Variants in CHST11 observed in about 807,000 individuals in gnomAD.
The protein encoded by CHST11 is C4S-1.
Under a neutral mutation model 30.4 loss-of-function variants are expected in CHST11, and 9 were observed. The observed-to-expected ratio is 0.30, with a 90% CI of 0.18 to 0.52. The LOEUF is 0.52. Among genes scored for constraint, CHST11 ranks in the 20% least tolerant of loss-of-function variants. The pLI, the probability that CHST11 is intolerant of heterozygous loss-of-function variation, is 0.97. For synonymous variants in CHST11, 152 were observed against 187.8 expected (o/e 0.81, Z 1.56); for missense variants, 348 against 460.6 (o/e 0.76, Z 2.24).
chr12:104,462,426 ATTAAAG>A (rs1025304867), intron 1 of CHST11, among the ~76,000 whole-genome samples: 1 of 152,150 alleles, frequency 6.6e-6, no homozygotes, highest in African/African-American at 2.4e-5. Context: ...ACAACTAGTT[ATTAAAG>A]TTAAAGACAA....
At chr12:104,489,252 G>T (rs1415124292) in intron 1 of CHST11, among the ~76,000 whole-genome samples, 4 of 152,104 alleles carry the variant, frequency 2.6e-5, no homozygotes, top group South Asian at 4.1e-4. Flanking sequence ...GGCCATGCTG[G>T]TCTCGGACTC....
At chr12:104,538,962 T>C (rs1303787012) in intron 1 of CHST11, among the ~76,000 whole-genome samples, 1 of 152,206 alleles carries the variant, frequency 6.6e-6, no homozygotes. Context: ...GACAATCCTA[T>C]AAAGCAGTCA....
intron 2 of CHST11, among the ~76,000 whole-genome samples, chr12:104,725,680 T>C (rs2040211785): frequency 6.6e-6 from 1 of 152,072 alleles, no homozygotes; most frequent in Non-Finnish European, 1.5e-5. Context: ...CAGGGGCACA[T>C]AGGTCTTGTG....
intron 1 of CHST11, among the ~76,000 whole-genome samples, chr12:104,566,884 A>G (rs563426831): frequency 6.6e-6 from 1 of 152,140 alleles, no homozygotes; most frequent in East Asian, 1.9e-4. Flanking sequence ...TGAGCCTGAG[A>G]AAATATATAC....
At chr12:104,530,686 T>A (rs2038174651) in intron 1 of CHST11, among the ~76,000 whole-genome samples, 1 of 152,256 alleles carries the variant, frequency 6.6e-6, no homozygotes, top group Non-Finnish European at 1.5e-5. Flanking sequence ...TTTTGTGAAC[T>A]TCCACTGAAG....
chr12:104,505,536 A>G (rs1169464516), intron 1 of CHST11, among the ~76,000 whole-genome samples: 2 of 152,232 alleles, frequency 1.3e-5, no homozygotes, highest in East Asian at 1.9e-4. Flanking sequence ...CACTTTGCAT[A>G]GCAAGTTATT....
At chr12:104,750,246 G>T (rs2136144886) in intron 2 of CHST11, among the ~76,000 whole-genome samples, 1 of 151,980 alleles carries the variant, frequency 6.6e-6, no homozygotes, top group African/African-American at 2.4e-5. Flanking sequence ...GAGTCCTCAT[G>T]CAGCACAGAA....
chr12:104,513,766 G>C (rs1224973170), intron 1 of CHST11, among the ~76,000 whole-genome samples: 1 of 152,180 alleles, frequency 6.6e-6, no homozygotes, highest in Non-Finnish European at 1.5e-5. Flanking sequence ...GCTGTTCTCT[G>C]AATTGATGAT....
chr12:104,673,091 C>T (rs2039710948), intron 2 of CHST11, among the ~76,000 whole-genome samples: 1 of 152,234 alleles, frequency 6.6e-6, no homozygotes, highest in East Asian at 1.9e-4. Flanking sequence ...GGGGCCCCAT[C>T]TCTCTGCTCC....
chr12:104,579,657 C>T (rs910377280), intron 1 of CHST11, among the ~76,000 whole-genome samples: 4 of 152,178 alleles, frequency 2.6e-5, no homozygotes, highest in African/African-American at 9.7e-5. Context: ...TGTGGATGCG[C>T]CGCCCCTCTC....
chr12:104,606,327 T>G, intron 2 of CHST11, among the ~76,000 whole-genome samples: 1 of 149,912 alleles, frequency 6.7e-6, no homozygotes, highest in Non-Finnish European at 1.5e-5. Flanking sequence ...GGAAGCAGGA[T>G]GAGGAGGAGG....
intron 1 of CHST11, among the ~76,000 whole-genome samples, chr12:104,548,401 G>T (rs1310032700): frequency 6.6e-6 from 1 of 152,182 alleles, no homozygotes; most frequent in African/African-American, 2.4e-5. Context: ...AGTGTGATGT[G>T]AGTGAGCTCA....
At chr12:104,478,944 G>A (rs2037591048) in intron 1 of CHST11, among the ~76,000 whole-genome samples, 1 of 152,098 alleles carries the variant, frequency 6.6e-6, no homozygotes, top group Non-Finnish European at 1.5e-5. Context: ...TTATTGAAAA[G>A]GAGGTTTTTA....
intron 2 of CHST11, among the ~76,000 whole-genome samples, chr12:104,618,903 G>T (rs1283534395): frequency 6.6e-6 from 1 of 152,202 alleles, no homozygotes; most frequent in Non-Finnish European, 1.5e-5. Flanking sequence ...TCGACTCATT[G>T]ATTAAATGAG....
chr12:104,575,475 A>G (rs1389035721), intron 1 of CHST11, among the ~76,000 whole-genome samples: 2 of 152,142 alleles, frequency 1.3e-5, no homozygotes, highest in Non-Finnish European at 1.5e-5. Flanking sequence ...TGCAGGGATG[A>G]GGGTGCCAGG....
chr12:104,757,857 T>C lies in CHST11; in HGVS notation c.*54T>C. The C allele has an allele frequency of 6.7e-7, 1 of 1,498,932 alleles. No homozygotes were observed. Among genetic ancestry groups the C allele is most frequent in the East Asian group, 2.3e-5 (1 of 44,124 alleles). The allele number at this position is 1,498,932 out of a possible 1,614,324, so 92.9% of individuals were successfully genotyped here. Reference sequence around the variant, plus strand: ...CTTTTTAATTTAAGATTTTTATTTGTCAAAAGAATTATATGGATATTGGGT... The same window carrying C: ...CTTTTTAATTTAAGATTTTTATTTGCCAAAAGAATTATATGGATATTGGGT... On this transcript the variant is annotated 3_prime_UTR_variant, in exon 3 of 3. Coordinates refer to ENST00000303694, the MANE Select transcript of CHST11 (RefSeq NM_018413.6). This position sits in a 1 kb window ranked among gnomAD's most constrained non-coding sequence, Gnocchi z 6.5.
At chr12:104,610,331 C>T (rs1012518889) in intron 2 of CHST11, among the ~76,000 whole-genome samples, 1 of 152,114 alleles carries the variant, frequency 6.6e-6, no homozygotes, top group African/African-American at 2.4e-5. Context: ...GGCAGTTGTT[C>T]TGCTTCAGAA....
At chr12:104,522,336 ATGT>A (rs2038081637) in intron 1 of CHST11, among the ~76,000 whole-genome samples, 1 of 152,224 alleles carries the variant, frequency 6.6e-6, no homozygotes. Context: ...ACCCTTGCAG[ATGT>A]TGTAAGGATT....
At chr12:104,533,642 A>T (rs1215213299) in intron 1 of CHST11, among the ~76,000 whole-genome samples, 1 of 152,244 alleles carries the variant, frequency 6.6e-6, no homozygotes, top group Non-Finnish European at 1.5e-5. Context: ...TCTCCGCGTG[A>T]TAATGATTCT....
Sources: allele counts gnomAD v4.1 joint callset (sites outside exome capture counted in the v4.1 genomes callset), GRCh38; gene constraint gnomAD v4.1.1; non-coding constraint Gnocchi (gnomAD v3.1); transcripts MANE v1.5; gene names NCBI Gene and HGNC (gene_info 2026-07-23, HGNC 2026-07-21).